The following HOMER2 variants were observed in gnomAD, a reference collection of about 807,000 sequenced individuals.
HOMER2 encodes the protein homer protein homolog 2.
HOMER2 carries 27 observed loss-of-function variants against 47.0 expected under a neutral mutation model. The observed-to-expected ratio is 0.57, with a 90% CI of 0.42 to 0.79. HOMER2 has a LOEUF of 0.79. HOMER2 is among the 30% of genes least tolerant of loss of function. The pLI is 0.00. For synonymous variants in HOMER2, 161 were observed against 163.8 expected, an observed-to-expected ratio of 0.98 and a Z score of 0.13; for missense variants, 443 against 435.0, an observed-to-expected ratio of 1.02 and a Z score of -0.16.
intron 1 of HOMER2, among the ~76,000 whole-genome samples, chr15:82,961,370 AC>A: frequency 6.6e-6 from 1 of 151,888 alleles, no homozygotes; most frequent in South Asian, 2.1e-4. Flanking sequence ...TCTGTGACAG[AC>A]CCCTCCTTTT....
Position 82,849,648 on chromosome 15 carries a change from TC to T in HOMER2, c.*66del. On this transcript the variant is annotated 3_prime_UTR_variant, in exon 9 of 9. Coordinates refer to ENST00000450735, the MANE Select transcript of HOMER2 (RefSeq NM_004839.4). ...CAGAAGCAATGCACACAGAAGAACG[TC>T]CTAGAGCTATCTGGTCTCGCACACA... 7.0e-7 allele frequency: 1 copy of T among 1,420,830 alleles called. No individual in the cohort carries two copies. Among genetic ancestry groups the T allele is most frequent in the Non-Finnish European group, 9.6e-7 (1 of 1,037,628 alleles). 88.0% of individuals were successfully genotyped at this position (1,420,830 alleles called of 1,614,324 possible).
chr15:82,863,274 G>A (rs2051853404), intron 4 of HOMER2, among the ~76,000 whole-genome samples: 1 of 152,046 alleles, frequency 6.6e-6, no homozygotes, highest in African/African-American at 2.4e-5. Context: ...CTCCCTGCCT[G>A]CCTTACCATC....
chr15:82,958,534 G>A (rs564573658), exon 2 of HOMER2: 1 of 152,400 alleles, frequency 6.6e-6, no homozygotes, highest in African/African-American at 2.4e-5. Flanking sequence ...TTTGAAGTAG[G>A]AGGGTGGCAT....
chr15:82,855,979 G>A (rs2051572292), intron 5 of HOMER2, among the ~76,000 whole-genome samples: 1 of 152,282 alleles, frequency 6.6e-6, no homozygotes, highest in Non-Finnish European at 1.5e-5. Flanking sequence ...TTTCCGCCTG[G>A]CTAAGTCCTC....
chr15:82,892,569 A>C (rs1008058226), intron 2 of HOMER2, 116 bp downstream of exon 2: 1 of 760,500 alleles, frequency 1.3e-6, no homozygotes, highest in South Asian at 4.6e-5. Context: ...AAAGAACAGA[A>C]TATGTTATAC....
chr15:82,859,135 C>G lies in HOMER2; in HGVS notation c.388G>C (p.Ala130Pro), dbSNP rs2051689905. Reference protein sequence around the residue: ...KIETSSNHSQASSVNGTDDEK... With the variant: ...KIETSSNHSQPSSVNGTDDEK... Reference sequence around the variant, plus strand: ...TCGTCCGTCCCGTTGACACTGGATGCCTGAGTAGAAGATGGGGTTTCACGC... The same window carrying G: ...TCGTCCGTCCCGTTGACACTGGATGGCTGAGTAGAAGATGGGGTTTCACGC... Residue 130 changes from alanine (A) to proline (P), a missense_variant and splice_region_variant, in exon 5 of 9, where the codon GCA (alanine) becomes CCA (proline). By Grantham distance (27) the Ala-to-Pro change is conservative. Coordinates refer to ENST00000450735, the MANE Select transcript of HOMER2 (RefSeq NM_004839.4). 1 of 1,613,910 alleles carries G rather than the reference C, an allele frequency of 6.2e-7. No individual in the cohort carries two copies. Among genetic ancestry groups the G allele is most frequent in the Non-Finnish European group, 8.5e-7 (1 of 1,179,858 alleles).
At chr15:82,963,556 C>G (rs376020556) in intron 1 of HOMER2, among the ~76,000 whole-genome samples, 1 of 152,176 alleles carries the variant, frequency 6.6e-6, no homozygotes, top group South Asian at 2.1e-4. Context: ...CTTGCCTCAT[C>G]GTATGAATCA....
intron 1 of HOMER2, among the ~76,000 whole-genome samples, chr15:82,950,547 C>G (rs1731771138): frequency 6.6e-6 from 1 of 152,178 alleles, no homozygotes; most frequent in South Asian, 2.1e-4. Flanking sequence ...TCCCTCCACC[C>G]TCCTGTCTGA....
At chr15:82,916,214 G>A (rs1362796295) in intron 1 of HOMER2, among the ~76,000 whole-genome samples, 5 of 152,214 alleles carry the variant, frequency 3.3e-5, no homozygotes, top group Admixed American at 6.5e-5. Context: ...CACTCGGAGC[G>A]TGGAGTGAAA....
rs7180304 is a variant in HOMER2, at chr15:82,970,677, C to T, written n.83-11369G>A. 9.8e-3 allele frequency among the ~76,000 whole-genome samples: 1,495 copies of T among 152,234 alleles called. 21 individuals carry two copies. The highest frequency in any genetic ancestry group is 0.034 in the African/African-American group (1,422 of 41,516). ...GTAAAGGAAAAGAGAACAAACAAAA[C>T]GAAGTAGATTGATATCTTGCTAGGT... On this transcript the variant is annotated intron_variant and non_coding_transcript_variant, in intron 1 of 1. Coordinates refer to the HOMER2 transcript ENST00000500334.
At chr15:82,874,594 A>G (rs1486569446) in intron 3 of HOMER2, among the ~76,000 whole-genome samples, 1 of 152,080 alleles carries the variant, frequency 6.6e-6, no homozygotes, top group African/African-American at 2.4e-5. Flanking sequence ...GCCCTTGGAG[A>G]AGTGACTTGG....
At chr15:82,962,687 G>A (rs924537047) in intron 1 of HOMER2, among the ~76,000 whole-genome samples, 5 of 151,896 alleles carry the variant, frequency 3.3e-5, no homozygotes, top group African/African-American at 1.2e-4. Context: ...AAAAAAAAAA[G>A]TCCGGGAAGT....
chr15:82,849,827 C>T lies in HOMER2; in HGVS notation c.920G>A (p.Arg307Gln), dbSNP rs376015771. Reference protein sequence around the residue: ...LKTDIEESKYRQRHLKVELKS... With the variant: ...LKTDIEESKYQQRHLKVELKS... ...CAACTCCACCTTCAGGTGGCGCTGT[C>T]GGTATTTGCTCTCCTCAATGTCTGT... Residue 307 changes from arginine (R) to glutamine (Q), a missense_variant, in exon 9 of 9, where the codon CGA becomes CAA. Transcript: ENST00000450735. The T allele has an allele frequency of 2.7e-5, 44 of 1,613,814 alleles. No individual in the cohort carries two copies. The highest frequency in any genetic ancestry group is 1.6e-4 in the Middle Eastern group (1 of 6,084).
At chr15:82,905,947 G>A (rs1170232921) in intron 1 of HOMER2, among the ~76,000 whole-genome samples, 1 of 152,166 alleles carries the variant, frequency 6.6e-6, no homozygotes, top group African/African-American at 2.4e-5. Flanking sequence ...ACAGATAACA[G>A]TATGATCAAA....
intron 1 of HOMER2, among the ~76,000 whole-genome samples, chr15:82,905,865 T>TA (rs1381584387): frequency 6.6e-6 from 1 of 152,052 alleles, no homozygotes; most frequent in Non-Finnish European, 1.5e-5. Flanking sequence ...TGAATCTACA[T>TA]AAAAAAAGAG....
intron 5 of HOMER2, among the ~76,000 whole-genome samples, chr15:82,856,997 G>A (rs2051608590): frequency 6.6e-6 from 1 of 152,176 alleles, no homozygotes; most frequent in African/African-American, 2.4e-5. Flanking sequence ...TTCCTCATCT[G>A]TAAAATGGGG....
chr15:82,876,583 G>A (rs2052356569), intron 2 of HOMER2, among the ~76,000 whole-genome samples: 1 of 152,208 alleles, frequency 6.6e-6, no homozygotes. Context: ...GGGTGTCTAT[G>A]TAAGGGCAGG....
chr15:82,951,903 G>A (rs1032366597), intron 1 of HOMER2: 2 of 268,988 alleles, frequency 7.4e-6, no homozygotes, highest in Non-Finnish European at 1.1e-5. Flanking sequence ...ACGCCGAGGG[G>A]AAAGCTTAAA....
Position 82,923,715 on chromosome 15 carries a change from C to T in HOMER2, c.5+28816G>A, listed in dbSNP as rs118051766. Among the ~76,000 whole-genome samples the T allele has an allele frequency of 1.5e-4, 23 of 152,280 alleles. No homozygotes were observed. The East Asian group carries it at 4.3e-3, about 28-fold the overall frequency. On this transcript the variant is annotated intron_variant, in intron 1 of 8. Coordinates refer to ENST00000450735, the MANE Select transcript of HOMER2 (RefSeq NM_004839.4). The stretch of plus-strand genomic sequence containing the variant: ...GCACGCATGCAAGTGTGCACATACC[C>T]ACCCACACTCACGCAGGGTATGCTG...
Sources: allele counts gnomAD v4.1 joint callset (sites outside exome capture counted in the v4.1 genomes callset), GRCh38; gene constraint gnomAD v4.1.1; transcripts MANE v1.5; gene names NCBI Gene and HGNC (gene_info 2026-07-23, HGNC 2026-07-21).